POF1B: variants seen among roughly 807,000 people sequenced by gnomAD.
POF1B encodes the protein POF1B actin binding protein.
In POF1B, 53 loss-of-function variants were observed where a neutral mutation model predicts 55.3. The ratio of observed to expected loss-of-function variants is 0.96; its 90% CI spans 0.77 to 1.20. POF1B has a LOEUF of 1.20. Among genes scored for constraint, POF1B ranks in the 50% most tolerant of loss-of-function variants. The pLI, the probability that POF1B is intolerant of heterozygous loss-of-function variation, is 0.00. For missense variants in POF1B, 478 were observed against 420.5 expected, an observed-to-expected ratio of 1.14 and a Z score of -1.20; for synonymous variants, 188 against 148.3, an observed-to-expected ratio of 1.27 and a Z score of -1.95.
chrX:85,321,380 C>A (rs1603044885), intron 7 of POF1B, among the ~76,000 whole-genome samples: 3 of 110,119 alleles, frequency 2.7e-5, no homozygotes, highest in African/African-American at 1.0e-4. Context: ...AGCCCTTTGA[C>A]AAAATTCAAC....
intron 7 of POF1B, among the ~76,000 whole-genome samples, chrX:85,324,545 GT>G (rs1312728753): frequency 9.0e-6 from 1 of 110,709 alleles, no homozygotes; most frequent in African/African-American, 3.3e-5. Context: ...CTTTTTTTCT[GT>G]TTTCCATTTG....
At chrX:85,318,539 AT>A (rs753565476) in intron 7 of POF1B, among the ~76,000 whole-genome samples, 65 of 111,915 alleles carry the variant, frequency 5.8e-4, no homozygotes, top group Non-Finnish European at 7.0e-4. Flanking sequence ...ACTTGAGTTA[AT>A]TTTTGTATAT....
intron 7 of POF1B, among the ~76,000 whole-genome samples, chrX:85,320,631 C>CA (rs1355167797): frequency 9.0e-6 from 1 of 111,015 alleles, no homozygotes; most frequent in East Asian, 2.8e-4. Flanking sequence ...AAAAACCCTT[C>CA]AAAAATTAAT....
At chrX:85,330,830 A>G in intron 7 of POF1B, 119 bp downstream of exon 7, 1 of 675,677 alleles carries the variant, frequency 1.5e-6, no homozygotes, top group Non-Finnish European at 2.0e-6. Flanking sequence ...AAAAAAATAA[A>G]ATAGAAAGTA....
intron 6 of POF1B, among the ~76,000 whole-genome samples, chrX:85,344,473 C>T (rs775252985): frequency 1.8e-5 from 2 of 111,084 alleles, no homozygotes; most frequent in East Asian, 5.7e-4. Flanking sequence ...TGACTGAAAA[C>T]ACTTTGGTTT....
In POF1B at chrX:85,349,752, C is replaced by T. The variant is rs139613957; in HGVS notation, c.540+1598G>A. ...CAGCTTCAGAGAGAACATAGCCCTG[C>T]CAACATAGTAATTTCAGACTTCTGG... On this transcript the variant is annotated intron_variant, in intron 5 of 16. Coordinates refer to ENST00000262753, the MANE Select transcript of POF1B (RefSeq NM_024921.4). Among the ~76,000 whole-genome samples the T allele has an allele frequency of 9.5e-3, 1,055 of 111,071 alleles. 6 individuals are homozygous for T. Among genetic ancestry groups the T allele is most frequent in the Non-Finnish European group, 0.016 (824 of 52,709 alleles).
chrX:85,312,379 A>C (rs1932723054), intron 9 of POF1B, among the ~76,000 whole-genome samples: 1 of 111,891 alleles, frequency 8.9e-6, no homozygotes, highest in Admixed American at 9.5e-5. Flanking sequence ...GTCCAGTTTC[A>C]GTTTTCAGCA....
At chrX:85,308,569 C>T (rs189200795) in intron 9 of POF1B, among the ~76,000 whole-genome samples, 16 of 111,595 alleles carry the variant, frequency 1.4e-4, no homozygotes, top group Non-Finnish European at 1.9e-4. Context: ...AAATGAATCT[C>T]CCTAAGTGTA....
intron 7 of POF1B, among the ~76,000 whole-genome samples, chrX:85,321,177 A>T (rs149092489): frequency 0.013 from 1,414 of 111,736 alleles, 23 homozygotes; most frequent in African/African-American, 0.043. Flanking sequence ...GATGAATATT[A>T]ATGCAAAAAT....
chrX:85,288,066 G>T (rs1932095255), intron 15 of POF1B, among the ~76,000 whole-genome samples: 1 of 111,652 alleles, frequency 9.0e-6, no homozygotes, highest in African/African-American at 3.3e-5. Context: ...ATGATTCAAT[G>T]ATTTCACTGG....
At chrX:85,357,852 C>T (rs963534360) in intron 4 of POF1B, among the ~76,000 whole-genome samples, 1 of 111,066 alleles carries the variant, frequency 9.0e-6, no homozygotes, top group Non-Finnish European at 1.9e-5. Flanking sequence ...TTCTTTGAGT[C>T]GTTTTTTAAC....
At chrX:85,356,880 A>T (rs1230913164) in intron 4 of POF1B, among the ~76,000 whole-genome samples, 1 of 110,915 alleles carries the variant, frequency 9.0e-6, no homozygotes, top group African/African-American at 3.3e-5. Flanking sequence ...AATCCCCAAC[A>T]TCTACTTTAC....
chrX:85,339,357 A>C (rs2147930685), intron 6 of POF1B, among the ~76,000 whole-genome samples: 1 of 111,286 alleles, frequency 9.0e-6, no homozygotes, highest in African/African-American at 3.3e-5. Flanking sequence ...ATTCAAGATG[A>C]GATTTTGGTG....
At chrX:85,285,408 C>T (rs1414552672) in intron 15 of POF1B, among the ~76,000 whole-genome samples, 2 of 110,894 alleles carry the variant, frequency 1.8e-5, no homozygotes, top group Non-Finnish European at 3.8e-5. Flanking sequence ...ACCCAAATGT[C>T]CATCAATGAT....
chrX:85,285,201 C>T (rs1440731344), intron 15 of POF1B, among the ~76,000 whole-genome samples: 6 of 111,407 alleles, frequency 5.4e-5, no homozygotes, highest in African/African-American at 2.0e-4. Context: ...ACACCGTTGG[C>T]AGGACTGTAA....
intron 15 of POF1B, among the ~76,000 whole-genome samples, chrX:85,294,361 T>C (rs1932262462): frequency 1.8e-5 from 2 of 112,042 alleles, no homozygotes; most frequent in South Asian, 7.5e-4. Context: ...TTCTCATAGA[T>C]GGCTATTATT....
intron 7 of POF1B, among the ~76,000 whole-genome samples, chrX:85,318,822 C>A (rs1378605006): frequency 9.0e-6 from 1 of 111,382 alleles, no homozygotes. Flanking sequence ...CCACTTTGTT[C>A]TTTTTGCTTA....
rs745422520 is a variant in POF1B at position 85,285,588 on chromosome X, G to T, written c.1650-3271C>A. On this transcript the variant is annotated intron_variant, in intron 15 of 16. Coordinates refer to ENST00000262753, the MANE Select transcript of POF1B (RefSeq NM_024921.4). ...ACACCACATGTTCTCACTCATAGGT[G>T]GGAATTGAACAATGAGAACACTTGG... 5.8e-5 allele frequency among the ~76,000 whole-genome samples: 6 copies of T among 103,442 alleles called. No individual in the cohort carries two copies. In the South Asian group the frequency reaches 2.4e-3, roughly 41 times the overall value. 89.8% of individuals were successfully genotyped at this position (103,442 alleles called of 115,157 possible). A position where few individuals can be genotyped will look rare whatever the true frequency, so the allele number is the denominator to read the frequency against.
chrX:85,360,560 CAT>C (rs1491298284), intron 3 of POF1B, among the ~76,000 whole-genome samples: 665 of 60,391 alleles, frequency 0.011, 16 homozygotes, highest in Middle Eastern at 0.028. Context: ...TATATATATA[CAT>C]ATATACACAT....
Sources: allele counts gnomAD v4.1 joint callset (sites outside exome capture counted in the v4.1 genomes callset), GRCh38; gene constraint gnomAD v4.1.1; transcripts MANE v1.5; gene names NCBI Gene and HGNC (gene_info 2026-07-23, HGNC 2026-07-21).